SAMD12: variants seen among roughly 807,000 people sequenced by gnomAD.
SAMD12 encodes sterile alpha motif domain containing 12.
In SAMD12, 9 loss-of-function variants were observed where a neutral mutation model predicts 15.0. The ratio of observed to expected loss-of-function variants is 0.60; its 90% CI spans 0.36 to 1.05. SAMD12 has a LOEUF of 1.05. Ranked by LOEUF, SAMD12 falls within the 50% of genes least tolerant of loss-of-function variation. SAMD12 has a pLI of 0.01. For synonymous variants in SAMD12, 86 were observed against 90.1 expected, an observed-to-expected ratio of 0.96 and a Z score of 0.25; for missense variants, 230 against 234.2, an observed-to-expected ratio of 0.98 and a Z score of 0.12.
chr8:118,485,003 C>T (rs1824237440), intron 2 of SAMD12, among the ~76,000 whole-genome samples: 1 of 152,118 alleles, frequency 6.6e-6, no homozygotes, highest in Non-Finnish European at 1.5e-5. Context: ...TCCTGACCAC[C>T]CAGCTGGAAA....
At chr8:118,338,999 CTCT>C (rs1274548397) in intron 4 of SAMD12, among the ~76,000 whole-genome samples, 2 of 152,154 alleles carry the variant, frequency 1.3e-5, no homozygotes, top group African/African-American at 4.8e-5. Context: ...ATCTTTGCTT[CTCT>C]TCTGTCCTGT....
chr8:118,223,896 C>T (rs996044244), intron 4 of SAMD12, among the ~76,000 whole-genome samples: 2 of 152,116 alleles, frequency 1.3e-5, no homozygotes, highest in African/African-American at 4.8e-5. Flanking sequence ...TGGCTCCTGG[C>T]CTCAGTTTTT....
chr8:118,442,632 C>A (rs146954217), intron 2 of SAMD12, among the ~76,000 whole-genome samples: 225 of 152,322 alleles, frequency 1.5e-3, no homozygotes, highest in Non-Finnish European at 2.7e-3. Flanking sequence ...AATTTTAGAT[C>A]TTTTAGCTAG....
At chr8:118,611,980 A>G (rs1327524439) in intron 1 of SAMD12, among the ~76,000 whole-genome samples, 1 of 152,142 alleles carries the variant, frequency 6.6e-6, no homozygotes. Context: ...ATAAATGGAC[A>G]TCCAACGCAA....
chr8:118,425,093 C>T (rs1414021558), intron 3 of SAMD12, among the ~76,000 whole-genome samples: 1 of 152,048 alleles, frequency 6.6e-6, no homozygotes, highest in Non-Finnish European at 1.5e-5. Flanking sequence ...CGCCCGCCAC[C>T]ACGCCCAGCT....
At chr8:118,497,397 T>C (rs1488861581) in intron 2 of SAMD12, among the ~76,000 whole-genome samples, 1 of 152,066 alleles carries the variant, frequency 6.6e-6, no homozygotes, top group East Asian at 1.9e-4. Flanking sequence ...CCATAAAAAA[T>C]GAAATAATGT....
At position 118,262,047 on chromosome 8, in the gene SAMD12, A is replaced by G. The variant is rs1385916412; in HGVS notation, c.434-64315T>C. On this transcript the variant is annotated intron_variant, in intron 4 of 4. Transcript: ENST00000409003. ...GCAACAACATGAACAAATCTGGAGG[A>G]AATCAAGTTAAGTGAATACAGACAG... 1.5e-4 allele frequency among the ~76,000 whole-genome samples: 23 copies of G among 152,084 alleles called. 1 individual carries two copies. The highest frequency in any genetic ancestry group is 1.5e-3 in the Admixed American group (23 of 15,232).
intron 1 of SAMD12, among the ~76,000 whole-genome samples, chr8:118,582,168 T>C (rs1827312193): frequency 6.6e-6 from 1 of 152,196 alleles, no homozygotes; most frequent in Non-Finnish European, 1.5e-5. Flanking sequence ...ACTCCCTCCT[T>C]AATAGATATC....
At chr8:118,194,324 C>A (rs1009160997) in exon 5 of SAMD12, 3 of 152,098 alleles carry the variant, frequency 2.0e-5, no homozygotes, top group African/African-American at 7.2e-5. Flanking sequence ...TGCGGGTGCA[C>A]ACCTCACAGA....
intron 2 of SAMD12, among the ~76,000 whole-genome samples, chr8:118,532,839 A>G (rs1825728605): frequency 6.6e-6 from 1 of 151,196 alleles, no homozygotes; most frequent in African/African-American, 2.4e-5. Context: ...TTTTTTCTTT[A>G]CTAGTCTTTC....
intron 4 of SAMD12, among the ~76,000 whole-genome samples, chr8:118,226,936 A>T (rs1390730735): frequency 2.6e-5 from 4 of 152,336 alleles, no homozygotes; most frequent in African/African-American, 7.2e-5. Context: ...TGATAGCATC[A>T]GATGGGGTGG....
chr8:118,175,613 C>T, the SAMD12 span, among the ~76,000 whole-genome samples: 1 of 152,142 alleles, frequency 6.6e-6, no homozygotes, highest in African/African-American at 2.4e-5. Context: ...GATCTAATAT[C>T]CAGAATCTAT....
chr8:118,447,713 T>TA, intron 2 of SAMD12, among the ~76,000 whole-genome samples: 1 of 139,260 alleles, frequency 7.2e-6, no homozygotes, highest in East Asian at 2.0e-4. Flanking sequence ...AATATTTATT[T>TA]ATTTATTTAT....
rs79197107 is a variant in SAMD12, at chr8:118,263,150, A to G, written c.434-65418T>C. 9.9e-5 allele frequency among the ~76,000 whole-genome samples: 15 copies of G among 152,010 alleles called. No individual in the cohort carries two copies. The East Asian group carries it at 2.9e-3, about 29-fold the overall frequency. Reference sequence around the variant, plus strand: ...GATATTTTAAAGCAGTTTGGGTGAAATGCCCTTTCTTAGTTTTCCTGTTTG... The same window carrying G: ...GATATTTTAAAGCAGTTTGGGTGAAGTGCCCTTTCTTAGTTTTCCTGTTTG... On this transcript the variant is annotated intron_variant, in intron 4 of 4. Coordinates refer to the SAMD12 transcript ENST00000409003.
chr8:118,504,361 C>A (rs988009723), intron 2 of SAMD12, among the ~76,000 whole-genome samples: 1 of 152,268 alleles, frequency 6.6e-6, no homozygotes, highest in East Asian at 1.9e-4. Context: ...ATCCTCAAAA[C>A]AAGCCAATAA....
chr8:118,267,701 T>TTTTG (rs1554619518), intron 4 of SAMD12, among the ~76,000 whole-genome samples: 60 of 147,506 alleles, frequency 4.1e-4, no homozygotes, highest in Non-Finnish European at 7.8e-4. Context: ...TTCCCATCTG[T>TTTTG]TGTGTGTGTG....
intron 2 of SAMD12, among the ~76,000 whole-genome samples, chr8:118,485,766 G>C (rs918812194): frequency 1.3e-5 from 2 of 152,148 alleles, no homozygotes; most frequent in Non-Finnish European, 2.9e-5. Flanking sequence ...ATTAAAAAAA[G>C]CTAACAAAAT....
chr8:118,322,307 G>C (rs1033672339), intron 4 of SAMD12, among the ~76,000 whole-genome samples: 4 of 152,200 alleles, frequency 2.6e-5, no homozygotes, highest in Non-Finnish European at 5.9e-5. Flanking sequence ...AGTGATGGGG[G>C]CTGTGTCTGT....
At chr8:118,165,349 G>C in the SAMD12 span, among the ~76,000 whole-genome samples, 1 of 152,012 alleles carries the variant, frequency 6.6e-6, no homozygotes, top group Admixed American at 6.6e-5. Context: ...GAGAGGTATG[G>C]AGACAGGGAT....
Sources: allele counts gnomAD v4.1 joint callset (sites outside exome capture counted in the v4.1 genomes callset), GRCh38; gene constraint gnomAD v4.1.1; transcripts MANE v1.5; gene names NCBI Gene and HGNC (gene_info 2026-07-23, HGNC 2026-07-21).